The following ERP44 variants were observed in gnomAD, a reference collection of about 807,000 sequenced individuals.
ERP44 encodes the protein endoplasmic reticulum resident protein 44.
ERP44 carries 25 observed loss-of-function variants against 53.4 expected under a neutral mutation model. The ratio of observed to expected loss-of-function variants is 0.47; its 90% CI spans 0.34 to 0.65. The LOEUF (loss-of-function observed/expected upper bound fraction) is 0.65. Ranked by LOEUF, ERP44 falls within the 30% of genes least tolerant of loss-of-function variation. The probability of loss-of-function intolerance (pLI) is 0.01; values close to 1 mark genes in which losing one functional copy is unlikely to be tolerated. For synonymous variants in ERP44, 145 were observed against 161.2 expected, an observed-to-expected ratio of 0.90 and a Z score of 0.76; for missense variants, 338 against 493.2, an observed-to-expected ratio of 0.69 and a Z score of 2.98.
chr9:100,065,423 C>T (rs80110361), intron 1 of ERP44, among the ~76,000 whole-genome samples: 4,247 of 152,164 alleles, frequency 0.028, 98 homozygotes, highest in Non-Finnish European at 0.042. Flanking sequence ...TCCCCGTCAT[C>T]ATGCCATGCG....
At chr9:99,999,105 C>T in intron 10 of ERP44, 2 of 652,060 alleles carry the variant, frequency 3.1e-6, no homozygotes, top group South Asian at 1.7e-5. Context: ...AGCGGCGGGG[C>T]GTGGACACGG....
At chr9:100,094,385 T>C (rs983806851) in intron 1 of ERP44, among the ~76,000 whole-genome samples, 3 of 151,422 alleles carry the variant, frequency 2.0e-5, no homozygotes, top group African/African-American at 7.3e-5. Context: ...AGGCCGGGCG[T>C]GGTGGCTCAT....
chr9:100,003,182 GT>G (rs1830395515), intron 10 of ERP44, among the ~76,000 whole-genome samples: 1 of 152,042 alleles, frequency 6.6e-6, no homozygotes, highest in Non-Finnish European at 1.5e-5. Context: ...TCTCATTTTG[GT>G]AACTTGCTTT....
At chr9:100,040,384 T>C (rs1269969058) in intron 4 of ERP44, among the ~76,000 whole-genome samples, 12 of 152,218 alleles carry the variant, frequency 7.9e-5, no homozygotes, top group Admixed American at 7.9e-4. Flanking sequence ...ATCAATGTGA[T>C]ACATTATATC....
intron 4 of ERP44, among the ~76,000 whole-genome samples, chr9:100,045,410 G>A (rs2118695993): frequency 6.6e-6 from 1 of 152,240 alleles, no homozygotes; most frequent in South Asian, 2.1e-4. Flanking sequence ...GTTCATTGCT[G>A]TAGCTATAGA....
chr9:99,999,163 C>T (rs1435256345), intron 10 of ERP44: 11 of 548,826 alleles, frequency 2.0e-5, no homozygotes, highest in Non-Finnish European at 2.9e-5. Context: ...GGCTCCGCCC[C>T]CCGACCCTGT....
chr9:100,051,266 G>A (rs559668050), intron 4 of ERP44, among the ~76,000 whole-genome samples: 1 of 152,304 alleles, frequency 6.6e-6, no homozygotes, highest in African/African-American at 2.4e-5. Context: ...AGCAAATGAA[G>A]GCATTTGGTC....
chr9:100,025,986 G>A (rs952130811), intron 4 of ERP44, among the ~76,000 whole-genome samples: 3 of 152,128 alleles, frequency 2.0e-5, no homozygotes, highest in Non-Finnish European at 4.4e-5. Flanking sequence ...CAGAAATCAT[G>A]AAAACAATGA....
At chr9:100,082,777 A>G (rs1041187405) in intron 1 of ERP44, among the ~76,000 whole-genome samples, 2 of 151,608 alleles carry the variant, frequency 1.3e-5, no homozygotes, top group Non-Finnish European at 2.9e-5. Context: ...AAATCCACGT[A>G]TAAGTAGATC....
chr9:100,017,914 A>G (rs1215699322), intron 7 of ERP44, among the ~76,000 whole-genome samples: 1 of 152,196 alleles, frequency 6.6e-6, no homozygotes, highest in African/African-American at 2.4e-5. Context: ...AGAAGTGACA[A>G]TCACAGACAA....
intron 1 of ERP44, among the ~76,000 whole-genome samples, chr9:100,095,056 A>G (rs1214275589): frequency 1.3e-5 from 2 of 152,074 alleles, no homozygotes; most frequent in South Asian, 4.1e-4. Flanking sequence ...TTATCCAAAT[A>G]TAGTTAGCTT....
chr9:100,018,215 A>T, intron 7 of ERP44, 41 bp downstream of exon 7: 1 of 1,218,102 alleles, frequency 8.2e-7, no homozygotes, highest in Non-Finnish European at 1.2e-6. Context: ...CATGTATTTA[A>T]ATTATATCTT....
chr9:100,025,468 T>C (rs532148623), intron 4 of ERP44, among the ~76,000 whole-genome samples: 91 of 152,308 alleles, frequency 6.0e-4, no homozygotes, highest in Admixed American at 1.3e-3. Context: ...TAGATAAATA[T>C]TTGAAAACCA....
intron 10 of ERP44, among the ~76,000 whole-genome samples, chr9:100,004,823 C>T (rs566918885): frequency 6.6e-6 from 1 of 152,094 alleles, no homozygotes; most frequent in Non-Finnish European, 1.5e-5. Flanking sequence ...TGTGTGGAGA[C>T]GAACATGGAA....
At chr9:99,993,046 C>T (rs553672549) in intron 10 of ERP44, among the ~76,000 whole-genome samples, 3 of 152,310 alleles carry the variant, frequency 2.0e-5, no homozygotes, top group East Asian at 3.9e-4. Flanking sequence ...ATTCCATGCT[C>T]GTGGATAGGA....
At chr9:100,082,480 A>C (rs530812523) in intron 1 of ERP44, among the ~76,000 whole-genome samples, 1 of 152,058 alleles carries the variant, frequency 6.6e-6, no homozygotes, top group Non-Finnish European at 1.5e-5. Flanking sequence ...CAAGTCAGAG[A>C]GAAAAGACAG....
intron 4 of ERP44, among the ~76,000 whole-genome samples, chr9:100,031,407 T>C (rs1825786373): frequency 2.0e-5 from 3 of 152,326 alleles, no homozygotes; most frequent in South Asian, 2.1e-4. Context: ...GGAAGAGCAA[T>C]AGAAACTGTC....
In ERP44 at chr9:100,041,586, T is replaced by G. The variant is rs188580886; in HGVS notation, c.286+10831A>C. ...GGGAGGCTGAGGCAGAAGAATCACTTGAACCTGGGAGGTGGAGGTTGCAGT... is the reference window on the plus strand; with the variant it reads ...GGGAGGCTGAGGCAGAAGAATCACTGGAACCTGGGAGGTGGAGGTTGCAGT... On this transcript the variant is annotated intron_variant, in intron 4 of 11. Transcript: ENST00000262455. Among the ~76,000 whole-genome samples the G allele has an allele frequency of 1.7e-4, 26 of 152,220 alleles. 1 individual carries two copies. Among genetic ancestry groups the G allele is most frequent in the African/African-American group, 6.0e-4 (25 of 41,538 alleles).
At chr9:100,040,767 A>G (rs1449348642) in intron 4 of ERP44, among the ~76,000 whole-genome samples, 2 of 152,200 alleles carry the variant, frequency 1.3e-5, no homozygotes, top group Non-Finnish European at 2.9e-5. Flanking sequence ...AAACCTAAAG[A>G]CCACTAAAAA....
Sources: allele counts gnomAD v4.1 joint callset (sites outside exome capture counted in the v4.1 genomes callset), GRCh38; gene constraint gnomAD v4.1.1; transcripts MANE v1.5; gene names NCBI Gene and HGNC (gene_info 2026-07-23, HGNC 2026-07-21).